PKHD1L1: variants seen among roughly 807,000 people sequenced by gnomAD.
PKHD1L1 encodes the protein PKHD1 like 1, also known as fibrocystin-L.
PKHD1L1 carries 434 observed loss-of-function variants against 462.9 expected under a neutral mutation model. The ratio of observed to expected loss-of-function variants is 0.94; its 90% CI spans 0.87 to 1.02. The LOEUF is 1.02. PKHD1L1 is among the 50% of genes least tolerant of loss of function. The pLI is 0.00. For synonymous variants in PKHD1L1, 1,781 were observed against 1,750.0 expected, an observed-to-expected ratio of 1.02 and a Z score of -0.44; for missense variants, 5,202 against 5,096.1, an observed-to-expected ratio of 1.02 and a Z score of -0.63.
Position 109,396,093 on chromosome 8 carries a change from G to GT in PKHD1L1, c.881dup (p.Phe295LeufsTer2). On this transcript the variant is annotated frameshift_variant, in exon 11 of 78. Transcript: ENST00000378402. LOFTEE classifies it high-confidence loss of function. ...GGCACCACGCTGACAATAAGTGGGC[G>GT]TTTCTTTGATCAGACAGATTTCCCC... 1 of 1,609,264 alleles carries GT rather than the reference G, an allele frequency of 6.2e-7. No homozygotes were observed.
intron 21 of PKHD1L1, 81 bp downstream of exon 21, chr8:109,413,626 G>T (rs1813976622): frequency 4.1e-6 from 5 of 1,226,372 alleles, no homozygotes; most frequent in Middle Eastern, 4.1e-4. Context: ...ATTTCTTGGG[G>T]TTTTTTGTTT....
In PKHD1L1 at chr8:109,481,524, C is replaced by T. The variant is rs192536821; in HGVS notation, c.9419C>T (p.Ala3140Val). 6.3e-7 allele frequency: 1 copy of T among 1,595,838 alleles called. No homozygotes were observed. Among genetic ancestry groups the T allele is most frequent in the African/African-American group, 1.3e-5 (1 of 74,434 alleles). The change falls in exon 56 of 78, where the codon GCT (alanine) becomes GTT (valine). Residue 3140 changes from alanine to valine, a missense_variant. Physicochemically the swap from Ala to Val is moderately conservative, Grantham distance 64. This residue lies in a region of PKHD1L1 where 4,497 missense variants were observed against 4,336.8 expected (regional missense o/e 1.04). Transcript: ENST00000378402. ...LRGNHTTQDW[A>V]LPEGPNQGAK... ...GGAAATCATACTACACAAGACTGGGCTCTTCCAGAAGGACCAAATCAAGGG... is the reference window on the plus strand; with the variant it reads ...GGAAATCATACTACACAAGACTGGGTTCTTCCAGAAGGACCAAATCAAGGG...
In PKHD1L1 at chr8:109,518,277, A is replaced by C. The variant is rs1271705408; in HGVS notation, c.11800A>C (p.Thr3934Pro). ...VKGTIPVEIH[T>P]ATVIFVSFQL... ...AGGAACTATACCTGTTGAAATTCAC[A>C]CTGCCACAGTGATATTTGTTTCTTT... The change falls in exon 73 of 78, where the codon ACT becomes CCT. Residue 3934 changes from threonine to proline, a missense_variant. Thr to Pro is a conservative substitution (Grantham distance 38). Transcript: ENST00000378402. 1.2e-6 allele frequency: 2 copies of C among 1,611,586 alleles called. No homozygotes were observed. Among genetic ancestry groups the C allele is most frequent in the East Asian group, 4.5e-5 (2 of 44,848 alleles).
chr8:109,376,682 G>A (rs534590949), intron 2 of PKHD1L1, among the ~76,000 whole-genome samples: 25 of 152,286 alleles, frequency 1.6e-4, no homozygotes, highest in African/African-American at 6.0e-4. Flanking sequence ...AATAATAAGA[G>A]CAGGTGTCTA....
At chr8:109,518,118 G>T in intron 72 of PKHD1L1, 49 bp from the exon 73 acceptor site, 3 of 1,168,672 alleles carry the variant, frequency 2.6e-6, no homozygotes, top group Non-Finnish European at 3.6e-6. Flanking sequence ...TGTTGATTGT[G>T]ATAATATAAA....
At position 109,406,377 on chromosome 8, in the gene PKHD1L1, C is replaced by T; in HGVS notation, c.1712C>T (p.Ala571Val). Residue 571 changes from alanine (A) to valine (V), a missense_variant, in exon 17 of 78, where the codon GCC becomes GTC. Transcript: ENST00000378402. ...ADASEFILQS[A>V]LNDLWSIKPD... is the part of the protein sequence containing the mutation. ...GCTTCTGAATTCATACTGCAATCAG[C>T]CTTGAATGACCTCTGGTCTATAAAA... 1 of 1,561,248 alleles carries T rather than the reference C, an allele frequency of 6.4e-7. No homozygotes were observed. Among genetic ancestry groups the T allele is most frequent in the South Asian group, 1.2e-5 (1 of 84,756 alleles).
At chr8:109,382,301 A>G (rs1284466381) in intron 3 of PKHD1L1, among the ~76,000 whole-genome samples, 162 bp from the exon 4 acceptor site, 1 of 152,132 alleles carries the variant, frequency 6.6e-6, no homozygotes, top group East Asian at 1.9e-4. Flanking sequence ...GATGGAGATC[A>G]TTTTTCCATA....
chr8:109,526,935 G>A lies in PKHD1L1; in HGVS notation c.12636G>A (p.Met4212Ile). 6.2e-7 allele frequency: 1 copy of A among 1,613,688 alleles called. No homozygotes were observed. The highest frequency in any genetic ancestry group is 1.1e-5 in the South Asian group (1 of 91,052). Reference sequence around the variant, plus strand: ...CTGTGGGTACATATGCCCAGATAATGACTGTAGTAATTAGCTGTCTGGTTG... The same window carrying A: ...CTGTGGGTACATATGCCCAGATAATAACTGTAGTAATTAGCTGTCTGGTTG... ...ASTVGTYAQIMTVVISCLVGR... is the reference protein window; with the variant it reads ...ASTVGTYAQIITVVISCLVGR... Residue 4212 changes from methionine to isoleucine, a missense_variant, in exon 77 of 78, where the codon ATG becomes ATA. By Grantham distance (10) the Met-to-Ile change is conservative (BLOSUM62 1). Around this residue, in one of 3 missense-constraint regions of PKHD1L1, gnomAD observed 698 missense variants for 736.3 expected, o/e 0.95. Transcript: ENST00000378402.
Position 109,535,250 on chromosome 8 carries a change from G to C in PKHD1L1, c.*5160G>C, listed in dbSNP as rs1305631561. 6.6e-6 allele frequency among the ~76,000 whole-genome samples: 1 copy of C among 152,038 alleles called. No individual in the cohort carries two copies. Among genetic ancestry groups the C allele is most frequent in the African/African-American group, 2.4e-5 (1 of 41,386 alleles). On this transcript the variant is annotated 3_prime_UTR_variant, in exon 78 of 78. Coordinates refer to ENST00000378402, the MANE Select transcript of PKHD1L1 (RefSeq NM_177531.6). ...TGCAAGATATTTATGACTGTGCCTG[G>C]CTACATGGCAATAGTATTTTCCTTT... is the stretch of plus-strand genomic sequence containing the variant.
intron 48 of PKHD1L1, among the ~76,000 whole-genome samples, chr8:109,462,306 T>C (rs948341170): frequency 2.6e-5 from 4 of 152,130 alleles, no homozygotes; most frequent in Non-Finnish European, 4.4e-5. Flanking sequence ...TTTAAAACCA[T>C]GTATCAGATC....
At chr8:109,463,770 T>C (rs952986122) in intron 48 of PKHD1L1, among the ~76,000 whole-genome samples, 6 of 152,154 alleles carry the variant, frequency 3.9e-5, no homozygotes, top group Admixed American at 6.6e-5. Flanking sequence ...ATAAAGTCAA[T>C]GGTAAGTGCC....
chr8:109,502,086 C>T (rs1819447211), intron 67 of PKHD1L1, among the ~76,000 whole-genome samples: 1 of 152,082 alleles, frequency 6.6e-6, no homozygotes, highest in Non-Finnish European at 1.5e-5. Flanking sequence ...TACCACACCA[C>T]ACTCATTCAA....
At chr8:109,486,622 A>G (rs1818540573) in intron 58 of PKHD1L1, 26 bp from the exon 59 acceptor site, 1 of 1,600,402 alleles carries the variant, frequency 6.2e-7, no homozygotes, top group Non-Finnish European at 8.5e-7. Flanking sequence ...AGCATTGGCA[A>G]TAATCTAGCT....
intron 77 of PKHD1L1, among the ~76,000 whole-genome samples, chr8:109,528,554 A>G (rs141984060): frequency 2.8e-4 from 43 of 152,214 alleles, no homozygotes; most frequent in African/African-American, 1.0e-3. Context: ...GCCAGCCTCT[A>G]CTCACCAAGG....
chr8:109,389,751 C>T (rs1422269754), intron 8 of PKHD1L1, among the ~76,000 whole-genome samples: 3 of 152,122 alleles, frequency 2.0e-5, no homozygotes, highest in Non-Finnish European at 4.4e-5. Context: ...TGGTCTCAAA[C>T]TCCTGACTTC....
intron 11 of PKHD1L1, among the ~76,000 whole-genome samples, chr8:109,396,841 C>T (rs544712484): frequency 6.6e-6 from 1 of 152,334 alleles, no homozygotes; most frequent in South Asian, 2.1e-4. Flanking sequence ...ATATGCATTT[C>T]CACAGTCCTC....
rs1470625381 is a variant in PKHD1L1, at chr8:109,464,943, T to C, written c.8111T>C (p.Ile2704Thr). The change falls in exon 49 of 78, where the codon ATT (isoleucine) becomes ACT (threonine). Residue 2704 changes from isoleucine to threonine, a missense_variant. By Grantham distance (89) the Ile-to-Thr change is moderately conservative (BLOSUM62 -1). Coordinates refer to ENST00000378402, the MANE Select transcript of PKHD1L1 (RefSeq NM_177531.6). ...GGWGETNGAV[I>T]KNAKIVGHLD... Reference sequence around the variant, plus strand: ...TGGGGTGAAACCAATGGAGCGGTGATTAAAAATGCCAAAATAGTCGGCCAT... The same window carrying C: ...TGGGGTGAAACCAATGGAGCGGTGACTAAAAATGCCAAAATAGTCGGCCAT... 6 of 1,613,692 alleles carry C rather than the reference T, an allele frequency of 3.7e-6. No homozygotes were observed. Among genetic ancestry groups the C allele is most frequent in the Non-Finnish European group, 5.1e-6 (6 of 1,179,802 alleles).
At chr8:109,457,240 A>G (rs539828368) in intron 46 of PKHD1L1, among the ~76,000 whole-genome samples, 1 of 152,304 alleles carries the variant, frequency 6.6e-6, no homozygotes, top group Admixed American at 6.5e-5. Flanking sequence ...AGTTTGCCAT[A>G]TTCCATGTTA....
intron 67 of PKHD1L1, among the ~76,000 whole-genome samples, chr8:109,502,259 C>A (rs1380621451): frequency 6.6e-6 from 1 of 152,104 alleles, no homozygotes; most frequent in African/African-American, 2.4e-5. Flanking sequence ...ATCACTATTT[C>A]CAAGCTTCTA....
Sources: gnomAD v4.1 joint callset for allele counts (sites outside exome capture counted in the v4.1 genomes callset) on GRCh38, gnomAD v4.1.1 for gene constraint, gnomAD v4.1.1 regional missense constraint, MANE v1.5 for transcripts, NCBI Gene and HGNC (gene_info 2026-07-23, HGNC 2026-07-21) for gene names.